Variants in MINPP1 observed in about 807,000 individuals in gnomAD.
The protein encoded by MINPP1 is multiple inositol-polyphosphate phosphatase 1, also known as multiple inositol polyphosphate phosphatase 1.
A neutral mutation model predicts 46.1 loss-of-function variants in MINPP1; 28 were observed. That is an observed-to-expected ratio of 0.61 (90% confidence interval 0.45 to 0.83). The LOEUF (loss-of-function observed/expected upper bound fraction) is 0.83, where lower values mean the gene tolerates loss of function less well. Ranked by LOEUF, MINPP1 falls within the 40% of genes least tolerant of loss-of-function variation. The pLI is 0.00. For missense variants in MINPP1, 603 were observed against 610.0 expected, an observed-to-expected ratio of 0.99 and a Z score of 0.12; for synonymous variants, 268 against 249.1, an observed-to-expected ratio of 1.08 and a Z score of -0.72.
chr10:87,530,102 C>T (rs994990437), intron 4 of MINPP1, among the ~76,000 whole-genome samples: 7 of 152,114 alleles, frequency 4.6e-5, no homozygotes, highest in African/African-American at 7.2e-5. Context: ...GTTAACCATT[C>T]GTCTAATCTT....
At position 87,513,165 on chromosome 10, in the gene MINPP1, G is replaced by T; in HGVS notation, c.877G>T (p.Ala293Ser). Residue 293 changes from alanine (A) to serine (S), a missense_variant, in exon 3 of 5, where the codon GCA becomes TCA. Coordinates refer to ENST00000371996, the MANE Select transcript of MINPP1 (RefSeq NM_004897.5). The stretch of plus-strand genomic sequence containing the variant: ...CTTTTTCACCTGTTCATTTGACCTG[G>T]CAATTAAAGGTGTTAAATCTCCTTG... ...VAFFTCSFDL[A>S]IKGVKSPWCD... The T allele has an allele frequency of 1.2e-6, 2 of 1,613,648 alleles. No individual in the cohort carries two copies. The highest frequency in any genetic ancestry group is 1.7e-6 in the Non-Finnish European group (2 of 1,179,808).
In MINPP1 at chr10:87,552,406, C is replaced by T; in HGVS notation, c.1392C>T (p.Asp464=). 1 of 1,613,412 alleles carries T rather than the reference C, an allele frequency of 6.2e-7. No individual in the cohort carries two copies. Among genetic ancestry groups the T allele is most frequent in the Non-Finnish European group, 8.5e-7 (1 of 1,179,644 alleles). Reference sequence around the variant, plus strand: ...AAGATCTGAAGAACCACTACAAGGACATCCTTCAGAGTTGTCAAACCAGTG... The same window carrying T: ...AAGATCTGAAGAACCACTACAAGGATATCCTTCAGAGTTGTCAAACCAGTG... The part of the protein sequence containing the change: ...FYEDLKNHYK[D]ILQSCQTSEE... Residue 464 remains aspartate, a synonymous_variant, in exon 5 of 5, where the codon GAC becomes GAT. Coordinates refer to ENST00000371996, the MANE Select transcript of MINPP1 (RefSeq NM_004897.5).
intron 2 of MINPP1, among the ~76,000 whole-genome samples, chr10:87,509,312 A>G (rs908101388): frequency 6.6e-6 from 1 of 152,176 alleles, no homozygotes; most frequent in Non-Finnish European, 1.5e-5. Context: ...TTGGGGAAAA[A>G]ATAGATTAGA....
intron 4 of MINPP1, among the ~76,000 whole-genome samples, chr10:87,550,278 C>T (rs552368426): frequency 2.0e-5 from 3 of 152,176 alleles, no homozygotes; most frequent in African/African-American, 2.4e-5. Context: ...TGAATGCTAC[C>T]GCTTGGTAAC....
intron 4 of MINPP1, among the ~76,000 whole-genome samples, chr10:87,532,751 A>G (rs527484007): frequency 6.6e-6 from 1 of 152,396 alleles, no homozygotes; most frequent in Non-Finnish European, 1.5e-5. Flanking sequence ...GAAAATCAAT[A>G]TATGCTCAGC....
intron 4 of MINPP1, among the ~76,000 whole-genome samples, chr10:87,543,112 C>T (rs921839694): frequency 6.6e-6 from 1 of 152,172 alleles, no homozygotes; most frequent in African/African-American, 2.4e-5. Context: ...TAGCAAAGAA[C>T]CTGGCTGTAC....
intron 3 of MINPP1, among the ~76,000 whole-genome samples, chr10:87,514,363 T>C (rs1851381058): frequency 6.6e-6 from 1 of 152,242 alleles, no homozygotes; most frequent in African/African-American, 2.4e-5. Context: ...TATTTTCTAA[T>C]GTACAGTCAA....
intron 4 of MINPP1, 86 bp from the exon 5 acceptor site, chr10:87,551,996 A>G (rs1374290133): frequency 1.9e-5 from 20 of 1,031,168 alleles, no homozygotes; most frequent in Non-Finnish European, 2.7e-5. Flanking sequence ...AACTAAAAAA[A>G]GATGTGGAAG....
At chr10:87,539,319 A>G (rs917482722) in intron 4 of MINPP1, among the ~76,000 whole-genome samples, 16 of 152,186 alleles carry the variant, frequency 1.1e-4, no homozygotes, top group Non-Finnish European at 2.1e-4. Flanking sequence ...CAACATTCCA[A>G]GTTTAATGCA....
chr10:87,525,241 GC>G (rs1199284839), intron 4 of MINPP1, among the ~76,000 whole-genome samples: 6 of 152,102 alleles, frequency 3.9e-5, no homozygotes, highest in African/African-American at 1.2e-4. Context: ...CATTTTCATC[GC>G]CTCAAAAAGA....
chr10:87,512,855 AC>A (rs1851355310), intron 2 of MINPP1, among the ~76,000 whole-genome samples: 1 of 152,126 alleles, frequency 6.6e-6, no homozygotes. Context: ...GAAAAAAGTT[AC>A]CAATTACAGA....
In MINPP1 at chr10:87,505,057, G is replaced by A; in HGVS notation, c.142G>A (p.Gly48Ser). 6.2e-7 allele frequency: 1 copy of A among 1,613,472 alleles called. No individual in the cohort carries two copies. The highest frequency in any genetic ancestry group is 1.1e-5 in the South Asian group (1 of 91,070). The change falls in exon 1 of 5, where the codon GGC becomes AGC. Residue 48 changes from glycine (G) to serine (S), a missense_variant. Physicochemically the swap from Gly to Ser is moderately conservative, Grantham distance 56. This residue lies in a region of MINPP1 where 239 missense variants were observed against 189.4 expected (regional missense o/e 1.26). Coordinates refer to ENST00000371996, the MANE Select transcript of MINPP1 (RefSeq NM_004897.5). The surrounding 1 kb of genome is among the most constrained non-coding windows in gnomAD (Gnocchi z 4.4). ...PVASSLSPYF[G>S]TKTRYEDVNP... ...GGCCTCGTCGCTCAGCCCCTATTTC[G>A]GCACCAAGACTCGCTACGAGGATGT...
chr10:87,538,290 C>G (rs1007128320), intron 4 of MINPP1, among the ~76,000 whole-genome samples: 3 of 152,150 alleles, frequency 2.0e-5, no homozygotes, highest in Admixed American at 6.6e-5. Context: ...CCTAAATTCT[C>G]ACTCCCATCT....
At position 87,505,156 on chromosome 10, in the gene MINPP1, G is replaced by T; in HGVS notation, c.241G>T (p.Val81Leu). The stretch of plus-strand genomic sequence containing the variant: ...GCTGCTGGAGGGGACCTGCACCCCG[G>T]TGCAGCTGGTCGCCCTCATTCGCCA... ...PELLEGTCTPVQLVALIRHGT... is the reference protein window; with the variant it reads ...PELLEGTCTPLQLVALIRHGT... The change falls in exon 1 of 5, where the codon GTG (valine) becomes TTG (leucine). Residue 81 changes from valine to leucine, a missense_variant. Coordinates refer to ENST00000371996, the MANE Select transcript of MINPP1 (RefSeq NM_004897.5). This position sits in a 1 kb window ranked among gnomAD's most constrained non-coding sequence, Gnocchi z 4.4. 2 of 1,610,466 alleles carry T rather than the reference G, an allele frequency of 1.2e-6. No homozygotes were observed. Among genetic ancestry groups the T allele is most frequent in the Non-Finnish European group, 1.7e-6 (2 of 1,178,604 alleles).
chr10:87,527,850 G>T (rs1160935517), intron 4 of MINPP1, among the ~76,000 whole-genome samples: 4 of 148,684 alleles, frequency 2.7e-5, no homozygotes, highest in African/African-American at 1.0e-4. Context: ...ACTTTTTTTG[G>T]TTGGTAGGCT....
intron 1 of MINPP1, among the ~76,000 whole-genome samples, chr10:87,507,648 C>A (rs752296578): frequency 6.6e-6 from 1 of 151,962 alleles, no homozygotes; most frequent in Non-Finnish European, 1.5e-5. Flanking sequence ...CTGAAAAAAA[C>A]GTAAAGGGCA....
rs151193635 is a variant in MINPP1, at chr10:87,525,519, G to A, written c.1067+4350G>A. Among the ~76,000 whole-genome samples, 11 of 152,108 alleles carry A rather than the reference G, an allele frequency of 7.2e-5. No homozygotes were observed. In the East Asian group the frequency reaches 1.9e-3, roughly 27 times the overall value. On this transcript the variant is annotated intron_variant, in intron 4 of 4. Coordinates refer to ENST00000371996, the MANE Select transcript of MINPP1 (RefSeq NM_004897.5). Reference sequence around the variant, plus strand: ...ATATTCCTTTGTATTACTATATCATGTTTTTGTTCATCTTATTTTCTTTTT... The same window carrying A: ...ATATTCCTTTGTATTACTATATCATATTTTTGTTCATCTTATTTTCTTTTT...
At chr10:87,525,654 G>A (rs535548278) in intron 4 of MINPP1, among the ~76,000 whole-genome samples, 3 of 152,066 alleles carry the variant, frequency 2.0e-5, no homozygotes, top group South Asian at 2.1e-4. Context: ...CCATTAACTC[G>A]TCATTTACGT....
intron 4 of MINPP1, among the ~76,000 whole-genome samples, chr10:87,522,054 T>C (rs892591260): frequency 6.6e-6 from 1 of 152,178 alleles, no homozygotes; most frequent in African/African-American, 2.4e-5. Flanking sequence ...CAGACAGCTG[T>C]ATACATTTGT....
Sources: gnomAD v4.1 joint callset for allele counts (sites outside exome capture counted in the v4.1 genomes callset) on GRCh38, gnomAD v4.1.1 for gene constraint, gnomAD v4.1.1 regional missense constraint, Gnocchi (gnomAD v3.1) non-coding constraint, MANE v1.5 for transcripts, NCBI Gene and HGNC (gene_info 2026-07-23, HGNC 2026-07-21) for gene names.